The following INKA2 variants were observed in gnomAD, a reference collection of about 807,000 sequenced individuals.
INKA2 encodes inka box actin regulator 2, also known as PAK4-inhibitor INKA2.
Under a neutral mutation model 9.8 loss-of-function variants are expected in INKA2, and 3 were observed. That is an observed-to-expected ratio of 0.31 (90% confidence interval 0.14 to 0.79). The LOEUF (loss-of-function observed/expected upper bound fraction) is 0.79. INKA2 is among the 30% of genes least tolerant of loss of function. The pLI is 0.62. For missense variants in INKA2, 392 were observed against 384.4 expected (o/e 1.02, Z -0.17); for synonymous variants, 147 against 143.3 (o/e 1.03, Z -0.18).
intron 1 of INKA2, chr1:111,745,293 A>ATATTTTT (rs1358304932): frequency 6.1e-5 from 3 of 49,270 alleles, no homozygotes; most frequent in Non-Finnish European, 1.1e-4. Flanking sequence ...ATATATATAT[A>ATATTTTT]TTTTTTTTTT....
rs146387478 is a variant in INKA2, at chr1:111,748,162, C to A, written n.124+7539G>T. Reference sequence around the variant, plus strand: ...CTGCGCTAGGCTAGTTGCGAATTAGCATTTTCCTGACGGCCCATGAAGCAA... The same window carrying A: ...CTGCGCTAGGCTAGTTGCGAATTAGAATTTTCCTGACGGCCCATGAAGCAA... On this transcript the variant is annotated intron_variant and non_coding_transcript_variant, in intron 1 of 1. Transcript: ENST00000444059. Among the ~76,000 whole-genome samples, 312 of 152,312 alleles carry A rather than the reference C, an allele frequency of 2.0e-3. 3 individuals are homozygous for A. Among genetic ancestry groups the A allele is most frequent in the African/African-American group, 7.2e-3 (298 of 41,560 alleles).
At chr1:111,732,759 G>A (rs1035075500) in intron 1 of INKA2, among the ~76,000 whole-genome samples, 3 of 152,038 alleles carry the variant, frequency 2.0e-5, no homozygotes, top group South Asian at 2.1e-4. Flanking sequence ...AGCGTCTCTG[G>A]AAGTCTGCAT....
intron 1 of INKA2, among the ~76,000 whole-genome samples, chr1:111,738,370 C>T (rs1260074386): frequency 3.9e-5 from 6 of 152,040 alleles, no homozygotes; most frequent in Admixed American, 6.5e-5. Flanking sequence ...CTTTAGCGAA[C>T]ACCACTCCCC....
chr1:111,741,907 G>T (rs920661852), upstream of INKA2, among the ~76,000 whole-genome samples: 1 of 152,090 alleles, frequency 6.6e-6, no homozygotes, highest in Non-Finnish European at 1.5e-5. Context: ...GTAGAGACGG[G>T]GTTTCACCAT....
At chr1:111,740,021 G>A (rs181181113), upstream of INKA2, 1 of 152,436 alleles carries the variant, frequency 6.6e-6, no homozygotes, top group Admixed American at 6.5e-5. Context: ...AGTATGACAG[G>A]CGAGGTCCCT....
intron 1 of INKA2, among the ~76,000 whole-genome samples, chr1:111,735,071 A>C (rs127204): frequency 0.49 from 74,268 of 152,110 alleles, 19,419 homozygotes; most frequent in African/African-American, 0.69. Flanking sequence ...AATGAAAGTA[A>C]AACTTCTTAG....
chr1:111,752,389 C>A (rs926076837), intron 1 of INKA2, among the ~76,000 whole-genome samples: 1 of 152,186 alleles, frequency 6.6e-6, no homozygotes, highest in East Asian at 1.9e-4. Context: ...AATGAGGATA[C>A]CTGTTTGTGT....
chr1:111,752,247 A>G (rs1006696256), intron 1 of INKA2, among the ~76,000 whole-genome samples: 3 of 152,150 alleles, frequency 2.0e-5, no homozygotes, highest in African/African-American at 7.2e-5. Flanking sequence ...ATGAACTTCT[A>G]TCTTGGGGAG....
At chr1:111,735,360 C>T (rs1662988818) in intron 1 of INKA2, among the ~76,000 whole-genome samples, 1 of 152,198 alleles carries the variant, frequency 6.6e-6, no homozygotes, top group South Asian at 2.1e-4. Flanking sequence ...ACACATCTGA[C>T]ACTGTGCTAT....
upstream of INKA2, chr1:111,739,431 G>T (rs999136449): frequency 5.5e-6 from 8 of 1,444,552 alleles, no homozygotes; most frequent in African/African-American, 4.4e-5. Flanking sequence ...GGTCGGTGCT[G>T]GGGGTGGAGG....
intron 1 of INKA2, among the ~76,000 whole-genome samples, chr1:111,728,087 C>T (rs1662833784): frequency 9.7e-6 from 1 of 103,500 alleles, no homozygotes. Flanking sequence ...ATTTCATCTC[C>T]CCAACTACCC....
chr1:111,723,446 G>T lies in INKA2; in HGVS notation c.*3522C>A, dbSNP rs1014444430. ...CCGGCCCCACTAGCATGCCCAGCAG[G>T]GACTCTTTTCTGTTCCCTGGGCCAC... is the stretch of plus-strand genomic sequence containing the variant. On this transcript the variant is annotated 3_prime_UTR_variant, in exon 2 of 2. Coordinates refer to ENST00000357260, the MANE Select transcript of INKA2 (RefSeq NM_019099.5). The T allele has an allele frequency of 3.0e-6, 1 of 338,036 alleles. No homozygotes were observed. The highest frequency in any genetic ancestry group is 5.4e-6 in the Non-Finnish European group (1 of 186,274). The allele number at this position is 338,036 out of a possible 1,614,324, so 20.9% of individuals were successfully genotyped here.
intron 1 of INKA2, among the ~76,000 whole-genome samples, chr1:111,733,341 T>C (rs1458823191): frequency 1.3e-5 from 2 of 152,204 alleles, no homozygotes; most frequent in African/African-American, 4.8e-5. Flanking sequence ...CAGTGGTCCC[T>C]GGGGTCCTGA....
upstream of INKA2, chr1:111,740,107 G>C (rs1191967872): frequency 6.6e-6 from 1 of 152,334 alleles, no homozygotes; most frequent in Non-Finnish European, 1.5e-5. Context: ...CGGTAAGCAC[G>C]GTAATTTCAG....
At chr1:111,729,633 C>T (rs77144044) in intron 1 of INKA2, among the ~76,000 whole-genome samples, 64 of 152,360 alleles carry the variant, frequency 4.2e-4, no homozygotes, top group Admixed American at 3.1e-3. Flanking sequence ...CAGCAAACCT[C>T]ATATGCAGGG....
chr1:111,747,016 C>T (rs1663288971), intron 1 of INKA2: 1 of 152,200 alleles, frequency 6.6e-6, no homozygotes, highest in Non-Finnish European at 1.5e-5. Context: ...TGTGATTTTA[C>T]AAGTCAGAAA....
Position 111,726,844 on chromosome 1 carries a change from T to G in INKA2, c.*124A>C, listed in dbSNP as rs1156446810. ...CCAAGAACTCTGGCTTCTCCCCGCTTTCTGGGGGAAAGGAACTTGGAGTTG... is the reference window on the plus strand; with the variant it reads ...CCAAGAACTCTGGCTTCTCCCCGCTGTCTGGGGGAAAGGAACTTGGAGTTG... On this transcript the variant is annotated 3_prime_UTR_variant, in exon 2 of 2. Transcript: ENST00000357260. 4.9e-6 allele frequency: 5 copies of G among 1,014,824 alleles called. No homozygotes were observed. The highest frequency in any genetic ancestry group is 5.9e-6 in the Non-Finnish European group (4 of 681,450). The allele number at this position is 1,014,824 out of a possible 1,614,324, so 62.9% of individuals were successfully genotyped here. A position where few individuals can be genotyped will look rare whatever the true frequency, so the allele number is the denominator to read the frequency against.
chr1:111,727,948 T>A (rs910604211), intron 1 of INKA2, 144 bp from the exon 2 acceptor site: 2 of 765,118 alleles, frequency 2.6e-6, no homozygotes, highest in Non-Finnish European at 4.5e-6. Context: ...TATAGCCTAG[T>A]GCAGTGCAGA....
In INKA2 at chr1:111,727,055, C is replaced by T. The variant is rs34772471; in HGVS notation, c.807G>A (p.Arg269=). The part of the protein sequence containing the change: ...HFPFPGTGEH[R]RGENPPTSCP... ...AGCTTGTGGGGGGATTCTCCCCTCG[C>T]CTGTGCTCCCCGGTGCCTGGGAAGG... is the stretch of plus-strand genomic sequence containing the variant. The change falls in exon 2 of 2, where the codon AGG becomes AGA. Residue 269 remains arginine (R), a synonymous_variant. Transcript: ENST00000357260. 18,304 of 1,614,098 alleles carry T rather than the reference C, an allele frequency of 0.011. 135 individuals are homozygous for T. The highest frequency in any genetic ancestry group is 0.025 in the Middle Eastern group (149 of 5,958).
Sources: gnomAD v4.1 joint callset for allele counts (sites outside exome capture counted in the v4.1 genomes callset) on GRCh38, gnomAD v4.1.1 for gene constraint, MANE v1.5 for transcripts, NCBI Gene and HGNC (gene_info 2026-07-23, HGNC 2026-07-21) for gene names.